Variants in FLT1 observed in about 807,000 individuals in gnomAD.
The protein encoded by FLT1 is fms related receptor tyrosine kinase 1.
In FLT1, 49 loss-of-function variants were observed where a neutral mutation model predicts 156.3. That is an observed-to-expected ratio of 0.31 (90% CI 0.25 to 0.40). The LOEUF (loss-of-function observed/expected upper bound fraction) is 0.40, where lower values mean the gene tolerates loss of function less well. Ranked by LOEUF, FLT1 falls within the 10% of genes least tolerant of loss-of-function variation. FLT1 has a pLI of 1.00. For missense variants in FLT1, 1,322 were observed against 1,637.2 expected, an observed-to-expected ratio of 0.81 and a Z score of 3.32; for synonymous variants, 594 against 583.8, an observed-to-expected ratio of 1.02 and a Z score of -0.25.
chr13:28,338,531 G>T (rs1230944990), intron 17 of FLT1, among the ~76,000 whole-genome samples: 1 of 152,208 alleles, frequency 6.6e-6, no homozygotes, highest in Non-Finnish European at 1.5e-5. Flanking sequence ...GCTGTTTATA[G>T]CATCTGCCCT....
chr13:28,382,394 C>G (rs1047896318), intron 14 of FLT1, among the ~76,000 whole-genome samples: 2 of 152,144 alleles, frequency 1.3e-5, no homozygotes, highest in Non-Finnish European at 2.9e-5. Context: ...TCAAGTCAGG[C>G]GACTCTGAGC....
intron 12 of FLT1, among the ~76,000 whole-genome samples, chr13:28,392,152 G>A (rs901243105): frequency 1.3e-5 from 2 of 152,116 alleles, no homozygotes; most frequent in African/African-American, 2.4e-5. Context: ...AAAGTGTCAC[G>A]TCTGAAGAAA....
rs1325577961 is a variant in FLT1, at chr13:28,319,482, T to C, written c.3227A>G (p.Tyr1076Cys). 1.9e-6 allele frequency: 3 copies of C among 1,614,066 alleles called. No homozygotes were observed. Among genetic ancestry groups the C allele is most frequent in the East Asian group, 2.2e-5 (1 of 44,882 alleles). The change falls in exon 24 of 30, where the codon TAC (tyrosine) becomes TGC (cysteine). Residue 1076 changes from tyrosine (Y) to cysteine (C), a missense_variant. Physicochemically the swap from Tyr to Cys is radical, Grantham distance 194. Coordinates refer to ENST00000282397, the MANE Select transcript of FLT1 (RefSeq NM_002019.4). ...MAPESIFDKI[Y>C]STKSDVWSYG... ...AGACCACACGTCGCTCTTGGTGCTG[T>C]AGATTTTGTCAAAGATAGATTCAGG...
intron 10 of FLT1, among the ~76,000 whole-genome samples, chr13:28,415,378 G>A (rs1876586984): frequency 6.6e-6 from 1 of 152,160 alleles, no homozygotes; most frequent in African/African-American, 2.4e-5. Context: ...CTACCTGGGA[G>A]GCTGAGGTAG....
chr13:28,400,549 T>G (rs1875368535), intron 11 of FLT1, among the ~76,000 whole-genome samples: 1 of 152,202 alleles, frequency 6.6e-6, no homozygotes, highest in Non-Finnish European at 1.5e-5. Flanking sequence ...GGAGCTCAGG[T>G]GCAAATTGTA....
chr13:28,303,231 A>G lies in FLT1; in HGVS notation c.3953T>C (p.Ile1318Thr), dbSNP rs779884235. The G allele has an allele frequency of 6.2e-7, 1 of 1,613,150 alleles. No individual in the cohort carries two copies. The highest frequency in any genetic ancestry group is 1.3e-5 in the African/African-American group (1 of 74,718). Residue 1318 changes from isoleucine to threonine, a missense_variant, in exon 30 of 30, where the codon ATC (isoleucine) becomes ACC (threonine). Physicochemically the swap from Ile to Thr is moderately conservative, Grantham distance 89. Around this residue, in one of 3 missense-constraint regions of FLT1, gnomAD observed 329 missense variants for 366.2 expected, o/e 0.90. Coordinates refer to ENST00000282397, the MANE Select transcript of FLT1 (RefSeq NM_002019.4). ...TYDHAELERKIACCSPPPDYN... is the reference protein window; with the variant it reads ...TYDHAELERKTACCSPPPDYN... ...GTCTGGGGGCGGGGAGCAGCACGCG[A>G]TTTTCCTTTCCAGCTCAGCGTGGTC... is the stretch of plus-strand genomic sequence containing the variant.
chr13:28,327,407 A>G, intron 20 of FLT1, 55 bp downstream of exon 20: 2 of 1,045,376 alleles, frequency 1.9e-6, no homozygotes, highest in South Asian at 1.3e-5. Flanking sequence ...GTTGTTACAG[A>G]CTAAATGAAA....
intron 3 of FLT1, among the ~76,000 whole-genome samples, chr13:28,447,830 ATATAT>A (rs1190207869): frequency 9.3e-5 from 14 of 150,632 alleles, no homozygotes; most frequent in South Asian, 6.2e-4. Context: ...TTATGTATCT[ATATAT>A]TATATCTCTA....
intron 3 of FLT1, among the ~76,000 whole-genome samples, chr13:28,448,224 A>G (rs1427643898): frequency 6.6e-6 from 1 of 152,218 alleles, no homozygotes; most frequent in East Asian, 1.9e-4. Context: ...TTAAACATAG[A>G]GTTACCAGAT....
In FLT1 at chr13:28,306,695, C is replaced by T. The variant is rs751121874; in HGVS notation, c.3798G>A (p.Lys1266=). 7.4e-6 allele frequency: 12 copies of T among 1,613,008 alleles called. No homozygotes were observed. Among genetic ancestry groups the T allele is most frequent in the Non-Finnish European group, 1.0e-5 (12 of 1,179,142 alleles). Reference sequence around the variant, plus strand: ...ATTCTTACTCAATCTTGAGCGAGGCCTTGGGTTTGCTGTCAGTCCAGGTGA... The same window carrying T: ...ATTCTTACTCAATCTTGAGCGAGGCTTTGGGTTTGCTGTCAGTCCAGGTGA... ...KRFTWTDSKP[K]ASLKIDLRVT... The change falls in exon 29 of 30, where the codon AAG becomes AAA. Residue 1266 remains lysine (K), a synonymous_variant. Coordinates refer to ENST00000282397, the MANE Select transcript of FLT1 (RefSeq NM_002019.4).
At chr13:28,417,132 T>C (rs980235558) in intron 10 of FLT1, among the ~76,000 whole-genome samples, 1 of 152,160 alleles carries the variant, frequency 6.6e-6, no homozygotes, top group Admixed American at 6.5e-5. Flanking sequence ...TAGCAGAACA[T>C]CCAGGCACTA....
intron 3 of FLT1, among the ~76,000 whole-genome samples, chr13:28,450,018 T>A (rs1042556347): frequency 1.3e-5 from 2 of 152,040 alleles, no homozygotes; most frequent in Non-Finnish European, 1.5e-5. Flanking sequence ...TTCCCCTCAA[T>A]CCAATGTCCA....
intron 12 of FLT1, among the ~76,000 whole-genome samples, chr13:28,393,901 T>G (rs1029752530): frequency 2.0e-5 from 3 of 152,138 alleles, no homozygotes; most frequent in African/African-American, 7.2e-5. Context: ...GTAACTGTAT[T>G]TTAAAGAAGG....
In FLT1 at chr13:28,399,874, T is replaced by C. The variant is rs538270837; in HGVS notation, c.1552-2806A>G. Among the ~76,000 whole-genome samples the C allele has an allele frequency of 5.9e-5, 9 of 152,334 alleles. No homozygotes were observed. The South Asian group carries it at 1.9e-3, about 32-fold the overall frequency. On this transcript the variant is annotated intron_variant, in intron 11 of 29. Transcript: ENST00000282397. ...TTTCTGCGAACCTTTATGTATGCCT[T>C]ACAATGCACCAGGCAGCATGCAAGG... is the stretch of plus-strand genomic sequence containing the variant.
chr13:28,461,136 CT>C (rs201568374), intron 3 of FLT1, among the ~76,000 whole-genome samples: 21,493 of 144,602 alleles, frequency 0.15, 2,573 homozygotes, highest in African/African-American at 0.34. Flanking sequence ...CAGCTCCTAG[CT>C]TTTTTTTTTT....
intron 6 of FLT1, among the ~76,000 whole-genome samples, chr13:28,432,386 A>G (rs986599199): frequency 2.1e-4 from 32 of 152,200 alleles, no homozygotes; most frequent in African/African-American, 7.5e-4. Flanking sequence ...GTCAATTGCC[A>G]CTATCAAAAG....
At chr13:28,394,773 T>G (rs1874942434) in intron 12 of FLT1, among the ~76,000 whole-genome samples, 1 of 152,186 alleles carries the variant, frequency 6.6e-6, no homozygotes, top group Non-Finnish European at 1.5e-5. Flanking sequence ...CGACAGCCTG[T>G]GTCACTCCAT....
chr13:28,368,462 G>T (rs1171443653), intron 14 of FLT1: 1 of 1,489,948 alleles, frequency 6.7e-7, no homozygotes, highest in African/African-American at 1.4e-5. Flanking sequence ...ATTTGTTATT[G>T]TTATGATTGT....
At chr13:28,402,077 C>T (rs1875473649) in intron 11 of FLT1, among the ~76,000 whole-genome samples, 1 of 152,156 alleles carries the variant, frequency 6.6e-6, no homozygotes, top group Admixed American at 6.5e-5. Flanking sequence ...TTTCACAAAT[C>T]TGGGCCAAAA....
Sources: allele counts gnomAD v4.1 joint callset (sites outside exome capture counted in the v4.1 genomes callset), GRCh38; gene constraint gnomAD v4.1.1; regional missense constraint gnomAD v4.1.1; transcripts MANE v1.5; gene names NCBI Gene and HGNC (gene_info 2026-07-23, HGNC 2026-07-21).